GALNTL6: variants seen among roughly 807,000 people sequenced by gnomAD.
GALNTL6 encodes the protein polypeptide N-acetylgalactosaminyltransferase-like 6.
A neutral mutation model predicts 73.7 loss-of-function variants in GALNTL6; 46 were observed. The ratio of observed to expected loss-of-function variants is 0.62; its 90% confidence interval spans 0.49 to 0.80. GALNTL6 has a LOEUF of 0.80. Ranked by LOEUF, GALNTL6 falls within the 30% of genes least tolerant of loss-of-function variation. The probability of loss-of-function intolerance (pLI) is 0.00; values close to 1 mark genes in which losing one functional copy is unlikely to be tolerated. For synonymous variants in GALNTL6, 259 were observed against 263.7 expected, an observed-to-expected ratio of 0.98 and a Z score of 0.17; for missense variants, 604 against 755.0, an observed-to-expected ratio of 0.80 and a Z score of 2.34.
intron 5 of GALNTL6, among the ~76,000 whole-genome samples, chr4:172,406,673 C>G (rs896949384): frequency 5.3e-5 from 8 of 151,966 alleles, no homozygotes; most frequent in Admixed American, 1.3e-4. Context: ...TATTTATTTT[C>G]TAATGGTCAG....
chr4:172,931,032 A>G (rs565466048), intron 8 of GALNTL6, 129 bp from the exon 9 acceptor site: 1 of 658,748 alleles, frequency 1.5e-6, no homozygotes, highest in East Asian at 2.7e-5. Context: ...CTGGTTAGCC[A>G]TTTATAATAA....
intron 12 of GALNTL6, among the ~76,000 whole-genome samples, chr4:173,032,238 A>T (rs890367938): frequency 6.6e-6 from 1 of 152,208 alleles, no homozygotes; most frequent in Non-Finnish European, 1.5e-5. Flanking sequence ...TCACGAGGTC[A>T]GGAGATCAAG....
intron 5 of GALNTL6, among the ~76,000 whole-genome samples, chr4:172,761,897 T>C (rs1042955331): frequency 3.9e-5 from 6 of 152,210 alleles, no homozygotes; most frequent in African/African-American, 1.4e-4. Flanking sequence ...TAATACAATG[T>C]TCTTCCACTG....
At chr4:172,584,366 T>A (rs1737320963) in intron 5 of GALNTL6, among the ~76,000 whole-genome samples, 1 of 152,080 alleles carries the variant, frequency 6.6e-6, no homozygotes, top group South Asian at 2.1e-4. Flanking sequence ...GACCAAAGCA[T>A]AGAGATTTAT....
chr4:171,920,001 C>A (rs1303397319), intron 2 of GALNTL6, among the ~76,000 whole-genome samples: 1 of 152,180 alleles, frequency 6.6e-6, no homozygotes, highest in East Asian at 1.9e-4. Flanking sequence ...AGACTTGGAA[C>A]CAACCCAAAT....
intron 3 of GALNTL6, among the ~76,000 whole-genome samples, chr4:172,236,767 C>G (rs1015116930): frequency 3.1e-4 from 2 of 6,412 alleles, no homozygotes; most frequent in African/African-American, 3.4e-4. Flanking sequence ...CAGGTTGATT[C>G]TATAGATTGC....
intron 2 of GALNTL6, among the ~76,000 whole-genome samples, chr4:171,987,561 G>A (rs987417385): frequency 1.3e-5 from 2 of 152,156 alleles, no homozygotes; most frequent in South Asian, 4.1e-4. Flanking sequence ...TCCTGGGCGG[G>A]GGCAAATCCC....
chr4:171,896,779 A>T (rs1012461258), intron 2 of GALNTL6, among the ~76,000 whole-genome samples: 29 of 152,332 alleles, frequency 1.9e-4, no homozygotes, highest in African/African-American at 6.7e-4. Flanking sequence ...GGACAAAAAC[A>T]TTCAGTCTGC....
In GALNTL6 at chr4:172,131,638, T is replaced by A. The variant is rs181069491; in HGVS notation, c.139-98018T>A. Among the ~76,000 whole-genome samples the A allele has an allele frequency of 1.1e-4, 17 of 151,902 alleles. No homozygotes were observed. In the East Asian group the frequency reaches 3.3e-3, roughly 29 times the overall value. ...TTTTCCTGACTCTCAGAATGCAAAA[T>A]CTGCTTCATTTTTACCACAGAATCT... On this transcript the variant is annotated intron_variant, in intron 2 of 12. Transcript: ENST00000506823.
At chr4:172,214,862 C>G (rs1354181058) in intron 2 of GALNTL6, among the ~76,000 whole-genome samples, 2 of 152,050 alleles carry the variant, frequency 1.3e-5, no homozygotes, top group Non-Finnish European at 1.5e-5. Flanking sequence ...GCTCTTCTCT[C>G]TCTGTTTCCT....
intron 4 of GALNTL6, among the ~76,000 whole-genome samples, chr4:172,315,600 T>C (rs1425987490): frequency 6.6e-6 from 1 of 152,222 alleles, no homozygotes; most frequent in Non-Finnish European, 1.5e-5. Context: ...GTATTTTAAA[T>C]ACTCACTCCC....
chr4:172,384,801 A>G (rs1340605992), intron 5 of GALNTL6, among the ~76,000 whole-genome samples: 1 of 152,068 alleles, frequency 6.6e-6, no homozygotes, highest in African/African-American at 2.4e-5. Flanking sequence ...TATTAGAGAC[A>G]GGGCCTTATT....
chr4:172,754,925 T>A (rs955275162), intron 5 of GALNTL6, among the ~76,000 whole-genome samples: 1 of 151,530 alleles, frequency 6.6e-6, no homozygotes, highest in East Asian at 1.9e-4. Context: ...ATGAGGAAGA[T>A]CTTTTGTGGT....
intron 5 of GALNTL6, among the ~76,000 whole-genome samples, chr4:172,654,286 T>C (rs1210221212): frequency 6.6e-6 from 1 of 152,190 alleles, no homozygotes; most frequent in Non-Finnish European, 1.5e-5. Context: ...TAAGTACAAT[T>C]ATGATTAATT....
intron 2 of GALNTL6, among the ~76,000 whole-genome samples, chr4:171,903,381 T>C (rs1036101927): frequency 6.6e-6 from 1 of 152,016 alleles, no homozygotes; most frequent in Non-Finnish European, 1.5e-5. Context: ...AAAGGGGTGA[T>C]GGACGGCACC....
chr4:172,075,808 A>C (rs558326266), intron 2 of GALNTL6, among the ~76,000 whole-genome samples: 1 of 152,328 alleles, frequency 6.6e-6, no homozygotes, highest in South Asian at 2.1e-4. Flanking sequence ...GTGTTAGAAA[A>C]GTGGGCAATC....
chr4:171,818,575 T>TAA (rs370223311), intron 2 of GALNTL6, among the ~76,000 whole-genome samples: 6,530 of 132,398 alleles, frequency 0.049, 480 homozygotes, highest in African/African-American at 0.16. Context: ...TCTACCACAT[T>TAA]AAAAAAAAAA....
chr4:172,942,627 C>A, intron 9 of GALNTL6, among the ~76,000 whole-genome samples: 1 of 152,144 alleles, frequency 6.6e-6, no homozygotes, highest in East Asian at 1.9e-4. Context: ...TGCTTGTGCA[C>A]CCACTTGTCA....
chr4:172,629,336 A>T (rs1310585021), intron 5 of GALNTL6, among the ~76,000 whole-genome samples: 1 of 152,206 alleles, frequency 6.6e-6, no homozygotes, highest in Non-Finnish European at 1.5e-5. Flanking sequence ...CAAGCATTTT[A>T]TATCATTAAA....
Sources: gnomAD v4.1 joint callset for allele counts (sites outside exome capture counted in the v4.1 genomes callset) on GRCh38, gnomAD v4.1.1 for gene constraint, MANE v1.5 for transcripts, NCBI Gene and HGNC (gene_info 2026-07-23, HGNC 2026-07-21) for gene names.